The following ODF2L variants were observed in gnomAD, a reference collection of about 807,000 sequenced individuals.
ODF2L encodes the protein protein BCAP.
ODF2L carries 76 observed loss-of-function variants against 86.3 expected under a neutral mutation model. The ratio of observed to expected loss-of-function variants is 0.88; its 90% CI spans 0.73 to 1.07. The LOEUF (loss-of-function observed/expected upper bound fraction) is 1.07, where lower values mean the gene tolerates loss of function less well. Among genes scored for constraint, ODF2L ranks in the 50% least tolerant of loss-of-function variants. The pLI, the probability that ODF2L is intolerant of heterozygous loss-of-function variation, is 0.00. For missense variants in ODF2L, 748 were observed against 717.4 expected (o/e 1.04, Z -0.49); for synonymous variants, 241 against 231.3 (o/e 1.04, Z -0.38).
intron 1 of ODF2L, among the ~76,000 whole-genome samples, chr1:86,395,359 GCGTTTACTTAA>G (rs1488603070): frequency 6.6e-6 from 1 of 152,096 alleles, no homozygotes; most frequent in Non-Finnish European, 1.5e-5. Flanking sequence ...TAATGGCCCT[GCGTTTACTTAA>G]TCTCGTATTA....
At chr1:86,373,023 G>T (rs1382576345) in intron 8 of ODF2L, among the ~76,000 whole-genome samples, 1 of 152,122 alleles carries the variant, frequency 6.6e-6, no homozygotes, top group Middle Eastern at 3.2e-3. Flanking sequence ...AGTGTACAGT[G>T]CTCGGGTGAC....
downstream of ODF2L, chr1:86,348,598 T>G: frequency 1.6e-6 from 1 of 638,062 alleles, no homozygotes. Context: ...TTCAGTTAGA[T>G]AAATTATGTT....
At chr1:86,395,611 T>C (rs1001417253) in intron 1 of ODF2L, among the ~76,000 whole-genome samples, 1 of 152,172 alleles carries the variant, frequency 6.6e-6, no homozygotes, top group African/African-American at 2.4e-5. Flanking sequence ...AGGATTCCTG[T>C]AATATACCTC....
intron 13 of ODF2L, 44 bp downstream of exon 12, chr1:86,358,743 T>C: frequency 2.4e-6 from 2 of 841,496 alleles, no homozygotes; most frequent in Non-Finnish European, 1.8e-6. Flanking sequence ...ATTCATAAAG[T>C]AAAAAATATA....
At chr1:86,377,399 C>T (rs1660251546) in intron 7 of ODF2L, among the ~76,000 whole-genome samples, 1 of 152,214 alleles carries the variant, frequency 6.6e-6, no homozygotes, top group Non-Finnish European at 1.5e-5. Context: ...AATGCATCTA[C>T]CATTCTGGGG....
chr1:86,366,051 G>A (rs1215019791), intron 11 of ODF2L, among the ~76,000 whole-genome samples: 1 of 152,118 alleles, frequency 6.6e-6, no homozygotes, highest in Admixed American at 6.6e-5. Flanking sequence ...GCATTTTTAG[G>A]AGCCACCAGT....
chr1:86,376,472 A>C, intron 7 of ODF2L, 54 bp from the exon 8 acceptor site: 1 of 1,122,940 alleles, frequency 8.9e-7, no homozygotes, highest in South Asian at 1.5e-5. Context: ...ATGTTTATGT[A>C]AACATTGTAA....
chr1:86,375,564 TGAATA>T (rs1660110371), intron 8 of ODF2L, among the ~76,000 whole-genome samples: 1 of 152,128 alleles, frequency 6.6e-6, no homozygotes, highest in South Asian at 2.1e-4. Context: ...AATTAGTAAT[TGAATA>T]AATATAATAA....
At chr1:86,372,523 T>C in exon 9 of ODF2L, 1 of 1,512,056 alleles carries the variant, frequency 6.6e-7, no homozygotes, top group South Asian at 1.4e-5. Context: ...CTGAAATTGT[T>C]TCAGACAACT....
intron 12 of ODF2L, among the ~76,000 whole-genome samples, chr1:86,359,241 T>TAA (rs57483150): frequency 6.9e-6 from 1 of 145,150 alleles, no homozygotes; most frequent in Non-Finnish European, 1.5e-5. Context: ...CAAAATCTGC[T>TAA]AAAAAAAAAA....
At chr1:86,392,253 A>G (rs1321136812) in intron 1 of ODF2L, among the ~76,000 whole-genome samples, 1 of 152,162 alleles carries the variant, frequency 6.6e-6, no homozygotes, top group Admixed American at 6.5e-5. Flanking sequence ...AACTAGTACA[A>G]CCGCTATGGA....
At chr1:86,392,592 A>G (rs1328998244) in intron 1 of ODF2L, among the ~76,000 whole-genome samples, 1 of 152,194 alleles carries the variant, frequency 6.6e-6, no homozygotes, top group Non-Finnish European at 1.5e-5. Context: ...GTTCTTACTT[A>G]TAAGTGGGAG....
At chr1:86,386,938 A>G (rs2390096) in exon 2 of ODF2L, 533,199 of 1,576,488 alleles carry the variant, frequency 0.34, 91,661 homozygotes, top group East Asian at 0.39. Flanking sequence ...TTTCACTGGT[A>G]CACCGTGGTA....
chr1:86,364,297 T>A (rs1222077234), intron 11 of ODF2L, among the ~76,000 whole-genome samples: 1 of 152,206 alleles, frequency 6.6e-6, no homozygotes, highest in African/African-American at 2.4e-5. Flanking sequence ...GTTAAGTATA[T>A]GTCACACTTT....
At chr1:86,378,968 T>G (rs1420461026) in intron 7 of ODF2L, among the ~76,000 whole-genome samples, 1 of 152,104 alleles carries the variant, frequency 6.6e-6, no homozygotes, top group Non-Finnish European at 1.5e-5. Flanking sequence ...TATGAATGGT[T>G]TACAGCATCC....
In ODF2L at chr1:86,382,378, A is replaced by G. The variant is rs1660649299; in HGVS notation, c.508-20T>C. ...ATTTGCCTGTAACAAAGAGAAAGAG[A>G]AAACCAAAAAAATCCATATTATTTG... On this transcript the variant is annotated intron_variant, in intron 6 of 17. Transcript: ENST00000317336. The G allele has an allele frequency of 6.2e-7, 1 of 1,606,676 alleles. No homozygotes were observed. The highest frequency in any genetic ancestry group is 1.3e-5 in the African/African-American group (1 of 74,286).
intron 10 of ODF2L, 35 bp downstream of exon 10, chr1:86,370,983 C>A: frequency 1.4e-6 from 2 of 1,415,912 alleles, no homozygotes; most frequent in Non-Finnish European, 9.4e-7. Flanking sequence ...GGTCATTACA[C>A]AATACATGCC....
exon 18 of ODF2L, chr1:86,350,705 T>C (rs1200606528): frequency 6.6e-6 from 1 of 152,114 alleles, no homozygotes; most frequent in Non-Finnish European, 1.5e-5. Context: ...TGAACTAATT[T>C]ACACTCCCAC....
Sources: allele counts gnomAD v4.1 joint callset (sites outside exome capture counted in the v4.1 genomes callset), GRCh38; gene constraint gnomAD v4.1.1; transcripts MANE v1.5; gene names NCBI Gene and HGNC (gene_info 2026-07-23, HGNC 2026-07-21).